Variants in MYCBP2 observed in about 807,000 individuals in gnomAD.
The protein encoded by MYCBP2 is MYC binding protein 2.
A neutral mutation model predicts 525.3 loss-of-function variants in MYCBP2; 120 were observed. That is an observed-to-expected ratio of 0.23 (90% CI 0.20 to 0.27). The LOEUF (loss-of-function observed/expected upper bound fraction) is 0.27, where lower values mean the gene tolerates loss of function less well. Ranked by LOEUF, MYCBP2 falls within the 10% of genes least tolerant of loss-of-function variation. The pLI is 1.00. For synonymous variants in MYCBP2, 1,894 were observed against 1,955.8 expected (o/e 0.97, Z 0.83); for missense variants, 4,149 against 5,657.1 (o/e 0.73, Z 8.55).
intron 2 of MYCBP2, among the ~76,000 whole-genome samples, chr13:77,296,021 A>T (rs2078152823): frequency 6.6e-6 from 1 of 152,228 alleles, no homozygotes; most frequent in African/African-American, 2.4e-5. Flanking sequence ...AAAAAAGAGA[A>T]CAGAAATGGA....
At position 77,283,866 on chromosome 13, in the gene MYCBP2, C is replaced by G. The variant is rs138551080; in HGVS notation, c.594+4295G>C. On this transcript the variant is annotated intron_variant, in intron 3 of 82. Coordinates refer to ENST00000544440, the MANE Select transcript of MYCBP2 (RefSeq NM_015057.5). ...TGAGCTGAGATCACGCCACTGCACT[C>G]CAGCCCCAGTGACAGAGCCAGACCC... Among the ~76,000 whole-genome samples the G allele has an allele frequency of 2.6e-5, 4 of 152,222 alleles. No homozygotes were observed. In the East Asian group the frequency reaches 7.7e-4, roughly 29 times the overall value.
intron 81 of MYCBP2, among the ~76,000 whole-genome samples, 172 bp downstream of exon 81, chr13:77,051,639 G>A (rs756635743): frequency 3.3e-5 from 5 of 151,888 alleles, no homozygotes; most frequent in African/African-American, 9.7e-5. Context: ...TAAAAATATC[G>A]CCCAAAGGAA....
intron 2 of MYCBP2, among the ~76,000 whole-genome samples, chr13:77,288,714 A>G (rs1407882772): frequency 6.6e-6 from 1 of 152,234 alleles, no homozygotes; most frequent in Non-Finnish European, 1.5e-5. Flanking sequence ...ACGACTTCCT[A>G]AGAGACTCTA....
chr13:77,301,947 A>T (rs2078856479), intron 1 of MYCBP2, among the ~76,000 whole-genome samples: 1 of 152,214 alleles, frequency 6.6e-6, no homozygotes, highest in South Asian at 2.1e-4. Context: ...TAAGTTACAG[A>T]AAAACAGGTT....
chr13:77,152,668 G>A lies in MYCBP2; in HGVS notation c.6916-1719C>T, dbSNP rs529668387. On this transcript the variant is annotated intron_variant, in intron 46 of 82. Transcript: ENST00000544440. ...ACCTCAGATGGCACCACTTAGGAGA[G>A]GAGCATGGCTGGAGACGGCTGGGCT... is the stretch of plus-strand genomic sequence containing the variant. 2.0e-5 allele frequency among the ~76,000 whole-genome samples: 3 copies of A among 152,254 alleles called. No homozygotes were observed. In the East Asian group the frequency reaches 5.8e-4, roughly 29 times the overall value.
At chr13:77,158,610 ATTT>A (rs972647023) in intron 44 of MYCBP2, among the ~76,000 whole-genome samples, 1 of 151,936 alleles carries the variant, frequency 6.6e-6, no homozygotes, top group African/African-American at 2.4e-5. Context: ...TGGCTGGCTA[ATTT>A]TTTTTAAAAC....
chr13:77,201,155 G>A (rs954538463), intron 26 of MYCBP2, among the ~76,000 whole-genome samples: 14 of 151,912 alleles, frequency 9.2e-5, no homozygotes, highest in East Asian at 1.9e-4. Flanking sequence ...CCCATCTCAC[G>A]TGCAGAGACG....
rs1461129898 is a variant in MYCBP2, at chr13:77,296,609, G to A, written c.368C>T (p.Thr123Ile). The A allele has an allele frequency of 1.3e-6, 2 of 1,581,372 alleles. No homozygotes were observed. The highest frequency in any genetic ancestry group is 2.3e-5 in the East Asian group (1 of 43,672). Reference sequence around the variant, plus strand: ...TACCAGCAGCTTTACCTTGCTTCTTGTCTTCACTTTTGATTTGCTCTTCTG... The same window carrying A: ...TACCAGCAGCTTTACCTTGCTTCTTATCTTCACTTTTGATTTGCTCTTCTG... Reference protein sequence around the residue: ...RKQKSKSKVKTRSKSENLENT... With the variant: ...RKQKSKSKVKIRSKSENLENT... Residue 123 changes from threonine (T) to isoleucine (I), a missense_variant, in exon 2 of 83, where the codon ACA (threonine) becomes ATA (isoleucine). By Grantham distance (89) the Thr-to-Ile change is moderately conservative. Transcript: ENST00000544440.
chr13:77,165,235 A>T, intron 42 of MYCBP2, 38 bp downstream of exon 42: 1 of 1,514,748 alleles, frequency 6.6e-7, no homozygotes, highest in South Asian at 1.2e-5. Context: ...TAGAAACACA[A>T]TCTTCCTTAA....
At chr13:77,110,151 T>G (rs1206792665) in intron 55 of MYCBP2, 2 of 152,216 alleles carry the variant, frequency 1.3e-5, no homozygotes, top group Non-Finnish European at 2.9e-5. Flanking sequence ...TTTTTCTTCT[T>G]ACAGAGAGCC....
chr13:77,083,418 A>T (rs1020406367), intron 62 of MYCBP2, among the ~76,000 whole-genome samples: 2 of 152,064 alleles, frequency 1.3e-5, no homozygotes, highest in Non-Finnish European at 2.9e-5. Flanking sequence ...CAAATGAATA[A>T]ATGTATCAAT....
At chr13:77,319,617 T>G (rs537917887) in intron 1 of MYCBP2, among the ~76,000 whole-genome samples, 34 of 152,326 alleles carry the variant, frequency 2.2e-4, no homozygotes, top group African/African-American at 7.5e-4. Context: ...CCAAAAGCCA[T>G]CTGATGATTG....
At chr13:77,140,813 A>G (rs113045088) in intron 50 of MYCBP2, 33 bp downstream of exon 50, 26 of 1,499,642 alleles carry the variant, frequency 1.7e-5, no homozygotes, top group Non-Finnish European at 2.4e-5. Context: ...TAAAAATTGA[A>G]TGATTCCGGC....
intron 26 of MYCBP2, among the ~76,000 whole-genome samples, chr13:77,196,608 A>G (rs2061780636): frequency 1.3e-5 from 2 of 152,220 alleles, no homozygotes; most frequent in Admixed American, 1.3e-4. Context: ...TGTGTAAAAG[A>G]AAGAGTAGAA....
chr13:77,170,175 C>T (rs762530111), intron 38 of MYCBP2, among the ~76,000 whole-genome samples: 6 of 152,102 alleles, frequency 3.9e-5, no homozygotes, highest in African/African-American at 9.7e-5. Flanking sequence ...GAAGATTAAA[C>T]GAGGTAATAT....
intron 80 of MYCBP2, among the ~76,000 whole-genome samples, chr13:77,053,564 T>C (rs1315797075): frequency 6.6e-6 from 1 of 152,214 alleles, no homozygotes; most frequent in Non-Finnish European, 1.5e-5. Flanking sequence ...ACTCCAGCTG[T>C]TTCACTTTTC....
chr13:77,243,814 A>T lies in MYCBP2; in HGVS notation c.2519T>A (p.Leu840His). Residue 840 changes from leucine to histidine, a missense_variant, in exon 16 of 83, where the codon CTT (leucine) becomes CAT (histidine). This residue lies in a region of MYCBP2 where 620 missense variants were observed against 795.5 expected (regional missense o/e 0.78). Coordinates refer to ENST00000544440, the MANE Select transcript of MYCBP2 (RefSeq NM_015057.5). Reference protein sequence around the residue: ...DAVKEMIPLDLLLAVPVPGVN... With the variant: ...DAVKEMIPLDHLLAVPVPGVN... ...TAATCAATCAAAATTACCTAAAAGA[A>T]GATCTAAAGGTATCATTTCTTTCAC... The T allele has an allele frequency of 6.2e-7, 1 of 1,613,360 alleles. No individual in the cohort carries two copies.
intron 68 of MYCBP2, among the ~76,000 whole-genome samples, chr13:77,071,920 TA>T (rs1362164871): frequency 6.6e-6 from 1 of 152,052 alleles, no homozygotes; most frequent in African/African-American, 2.4e-5. Context: ...ATTAATAATA[TA>T]AAGCTAACAG....
At chr13:77,220,928 T>A (rs1172585108) in intron 20 of MYCBP2, among the ~76,000 whole-genome samples, 2 of 152,184 alleles carry the variant, frequency 1.3e-5, no homozygotes, top group South Asian at 2.1e-4. Context: ...ATGTAATCAG[T>A]CTTTCAGTTA....
Sources: allele counts gnomAD v4.1 joint callset (sites outside exome capture counted in the v4.1 genomes callset), GRCh38; gene constraint gnomAD v4.1.1; regional missense constraint gnomAD v4.1.1; transcripts MANE v1.5; gene names NCBI Gene and HGNC (gene_info 2026-07-23, HGNC 2026-07-21).